Variants in CCNY observed in about 807,000 individuals in gnomAD.
CCNY encodes cyclin Y.
A neutral mutation model predicts 42.8 loss-of-function variants in CCNY; 19 were observed. That is an observed-to-expected ratio of 0.44 (90% CI 0.31 to 0.65). CCNY has a LOEUF of 0.65. Ranked by LOEUF, CCNY falls within the 30% of genes least tolerant of loss-of-function variation. The pLI is 0.07. For synonymous variants in CCNY, 165 were observed against 162.7 expected, an observed-to-expected ratio of 1.01 and a Z score of -0.11; for missense variants, 370 against 437.3, an observed-to-expected ratio of 0.85 and a Z score of 1.37.
rs373517364 is a variant in CCNY at position 35,330,755 on chromosome 10, TA to T, written c.-9+80130del. Among the ~76,000 whole-genome samples, 171 of 139,206 alleles carry T rather than the reference TA, an allele frequency of 1.2e-3. 1 individual carries two copies. Among genetic ancestry groups the T allele is most frequent in the African/African-American group, 4.3e-3 (157 of 36,744 alleles). The allele number at this position is 139,206 out of a possible 152,430, so 91.3% of individuals were successfully genotyped here. On this transcript the variant is annotated intron_variant, in intron 3 of 11. Transcript: ENST00000374706. ...CAAGAAGCAGAGAAGAGGCAGCTTTTATTTTTTTTTTTTTTTTGAGATGGAG... is the reference window on the plus strand; with the variant it reads ...CAAGAAGCAGAGAAGAGGCAGCTTTTTTTTTTTTTTTTTTTTGAGATGGAG...
chr10:35,327,189 GA>G (rs557469468), intron 3 of CCNY, among the ~76,000 whole-genome samples: 6 of 151,714 alleles, frequency 4.0e-5, no homozygotes, highest in African/African-American at 9.7e-5. Context: ...AGGAACAGAG[GA>G]AAAAAAAGTC....
intron 1 of CCNY, among the ~76,000 whole-genome samples, chr10:35,465,426 T>C (rs113361871): frequency 0.01 from 1,578 of 152,262 alleles, 24 homozygotes; most frequent in African/African-American, 0.036. Context: ...AATTTAAACT[T>C]GTCACTTCAC....
At chr10:35,343,178 AT>A (rs1836223209) in intron 1 of CCNY, among the ~76,000 whole-genome samples, 1 of 150,898 alleles carries the variant, frequency 6.6e-6, no homozygotes, top group Non-Finnish European at 1.5e-5. Context: ...TAATTTTTGT[AT>A]TTTTAGTAGA....
chr10:35,478,764 G>A (rs1255384684), intron 1 of CCNY, among the ~76,000 whole-genome samples: 5 of 152,248 alleles, frequency 3.3e-5, no homozygotes, highest in Admixed American at 2.0e-4. Context: ...AAAAGCAATG[G>A]CAACAAAAGC....
chr10:35,299,803 T>C (rs1835511655), intron 3 of CCNY, among the ~76,000 whole-genome samples: 1 of 152,236 alleles, frequency 6.6e-6, no homozygotes, highest in African/African-American at 2.4e-5. Context: ...CTGTTTGTTT[T>C]CTATTTATAC....
chr10:35,271,811 C>A (rs546705908), intron 3 of CCNY, among the ~76,000 whole-genome samples: 6 of 152,316 alleles, frequency 3.9e-5, no homozygotes, highest in African/African-American at 1.4e-4. Flanking sequence ...TATAATTAAC[C>A]TCTGGCTTAC....
intron 1 of CCNY, among the ~76,000 whole-genome samples, chr10:35,417,751 C>G (rs1173878983): frequency 6.6e-6 from 1 of 152,204 alleles, no homozygotes; most frequent in Non-Finnish European, 1.5e-5. Flanking sequence ...AACAAGCCAT[C>G]TATCAGAGCC....
intron 3 of CCNY, among the ~76,000 whole-genome samples, chr10:35,266,523 C>T (rs555462555): frequency 1.1e-4 from 17 of 152,052 alleles, no homozygotes; most frequent in Non-Finnish European, 2.5e-4. Context: ...CACATTTCTC[C>T]TGTTCTATTA....
chr10:35,466,557 A>G (rs1330606616), intron 1 of CCNY, among the ~76,000 whole-genome samples: 2 of 152,290 alleles, frequency 1.3e-5, no homozygotes, highest in Admixed American at 6.5e-5. Flanking sequence ...CTGTGCTTCT[A>G]TCAAGCCTCA....
At chr10:35,361,098 C>T (rs1244903564) in intron 1 of CCNY, among the ~76,000 whole-genome samples, 1 of 152,124 alleles carries the variant, frequency 6.6e-6, no homozygotes, top group Non-Finnish European at 1.5e-5. Flanking sequence ...GCCTTGTGAT[C>T]CCCCCGCCTC....
At chr10:35,413,592 T>C (rs1473615062) in intron 1 of CCNY, among the ~76,000 whole-genome samples, 3 of 152,182 alleles carry the variant, frequency 2.0e-5, no homozygotes, top group South Asian at 2.1e-4. Flanking sequence ...CTCTGGGACA[T>C]ACAGTGTAGG....
chr10:35,543,355 A>G (rs1841044193), intron 7 of CCNY, among the ~76,000 whole-genome samples: 1 of 152,244 alleles, frequency 6.6e-6, no homozygotes, highest in African/African-American at 2.4e-5. Flanking sequence ...CAATGGAGTC[A>G]TACAGGACAC....
At chr10:35,418,691 A>G (rs1351201651) in intron 1 of CCNY, among the ~76,000 whole-genome samples, 1 of 152,082 alleles carries the variant, frequency 6.6e-6, no homozygotes, top group Non-Finnish European at 1.5e-5. Flanking sequence ...AGCACAGCCT[A>G]GCAATTCCCA....
At chr10:35,510,510 C>G (rs941095944) in intron 3 of CCNY, among the ~76,000 whole-genome samples, 4 of 152,328 alleles carry the variant, frequency 2.6e-5, no homozygotes, top group African/African-American at 9.6e-5. Flanking sequence ...AGCTACCATG[C>G]CTGGGCCTTA....
At chr10:35,259,011 C>T (rs997769324) in intron 3 of CCNY, among the ~76,000 whole-genome samples, 4 of 151,878 alleles carry the variant, frequency 2.6e-5, no homozygotes, top group African/African-American at 4.8e-5. Context: ...TAGCTGCTAC[C>T]GCACCAAGAG....
intron 3 of CCNY, among the ~76,000 whole-genome samples, chr10:35,321,746 T>A (rs1835824645): frequency 6.6e-6 from 1 of 152,006 alleles, no homozygotes; most frequent in Non-Finnish European, 1.5e-5. Context: ...CACAAAGGAC[T>A]TAGAATGCAA....
At chr10:35,307,739 T>TATAC in intron 3 of CCNY, among the ~76,000 whole-genome samples, 1 of 150,470 alleles carries the variant, frequency 6.6e-6, no homozygotes, top group Non-Finnish European at 1.5e-5. Context: ...TATGTATATA[T>TATAC]ATACATATTG....
intron 7 of CCNY, among the ~76,000 whole-genome samples, chr10:35,534,446 G>T (rs975822271): frequency 6.6e-6 from 1 of 152,176 alleles, no homozygotes; most frequent in Admixed American, 6.5e-5. Context: ...AATGGGAGAG[G>T]GAGAAAGAGA....
chr10:35,284,085 TAAAATAAA>T (rs938765927), intron 3 of CCNY, among the ~76,000 whole-genome samples: 45 of 151,978 alleles, frequency 3.0e-4, no homozygotes, highest in African/African-American at 1.1e-3. Context: ...CTGTCTCAAA[TAAAATAAA>T]ATAAAAACAA....
Sources: gnomAD v4.1 joint callset for allele counts (sites outside exome capture counted in the v4.1 genomes callset) on GRCh38, gnomAD v4.1.1 for gene constraint, MANE v1.5 for transcripts, NCBI Gene and HGNC (gene_info 2026-07-23, HGNC 2026-07-21) for gene names.